The following PDE1A variants were observed in gnomAD, a reference collection of about 807,000 sequenced individuals.
The protein encoded by PDE1A is dual specificity calcium/calmodulin-dependent 3',5'-cyclic nucleotide phosphodiesterase 1A.
In PDE1A, 35 loss-of-function variants were observed where a neutral mutation model predicts 61.7. That is an observed-to-expected ratio of 0.57 (90% confidence interval 0.43 to 0.75). The LOEUF is 0.75. PDE1A is among the 30% of genes least tolerant of loss of function. PDE1A has a pLI of 0.00. For synonymous variants in PDE1A, 232 were observed against 213.2 expected, an observed-to-expected ratio of 1.09 and a Z score of -0.77; for missense variants, 597 against 630.6, an observed-to-expected ratio of 0.95 and a Z score of 0.57.
the PDE1A span, among the ~76,000 whole-genome samples, chr2:182,713,502 G>A: frequency 2.0e-5 from 3 of 152,196 alleles, no homozygotes; most frequent in East Asian, 1.9e-4. Context: ...GTGGTGGCAT[G>A]TGCCTGTAAT....
intron 1 of PDE1A, among the ~76,000 whole-genome samples, chr2:182,420,884 T>A (rs1297510707): frequency 6.6e-6 from 1 of 152,184 alleles, no homozygotes; most frequent in Non-Finnish European, 1.5e-5. Flanking sequence ...TTTTCCTCAA[T>A]TATAGCTTGT....
At chr2:182,489,351 T>G (rs1203302811) in intron 2 of PDE1A, among the ~76,000 whole-genome samples, 2 of 152,202 alleles carry the variant, frequency 1.3e-5, no homozygotes, top group African/African-American at 4.8e-5. Flanking sequence ...TTGATTTTAC[T>G]CTGAGATAAA....
At chr2:182,681,017 T>C in the PDE1A span, among the ~76,000 whole-genome samples, 3 of 152,202 alleles carry the variant, frequency 2.0e-5, no homozygotes, top group Non-Finnish European at 2.9e-5. Context: ...GGTGTTGCTA[T>C]GGCAATGATA....
At chr2:182,160,278 T>A (rs1163700829) in intron 13 of PDE1A, among the ~76,000 whole-genome samples, 2 of 152,158 alleles carry the variant, frequency 1.3e-5, no homozygotes. Flanking sequence ...GGTGTCAATT[T>A]GACTGGATTG....
chr2:182,658,688 T>A, the PDE1A span, among the ~76,000 whole-genome samples: 1 of 152,220 alleles, frequency 6.6e-6, no homozygotes, highest in East Asian at 1.9e-4. Flanking sequence ...AGCAGCTCAA[T>A]AAGTGAGAAA....
At chr2:182,203,061 A>T (rs985608030) in intron 8 of PDE1A, among the ~76,000 whole-genome samples, 2 of 152,220 alleles carry the variant, frequency 1.3e-5, no homozygotes, top group African/African-American at 4.8e-5. Context: ...CACGCCTGTA[A>T]TCCCAGCACT....
intron 2 of PDE1A, among the ~76,000 whole-genome samples, chr2:182,253,637 T>G (rs1251442645): frequency 6.6e-6 from 1 of 152,134 alleles, no homozygotes; most frequent in African/African-American, 2.4e-5. Flanking sequence ...CAATAACTGG[T>G]TAATATCAGT....
At chr2:182,530,372 T>A in the PDE1A span, among the ~76,000 whole-genome samples, 9 of 151,686 alleles carry the variant, frequency 5.9e-5, no homozygotes, top group Admixed American at 1.3e-4. Flanking sequence ...CTCAAAGAAA[T>A]AATAAATAAA....
chr2:182,215,391 C>T lies in PDE1A; in HGVS notation c.776+8473G>A, dbSNP rs1229005274. Among the ~76,000 whole-genome samples the T allele has an allele frequency of 4.5e-5, 6 of 134,648 alleles. No individual in the cohort carries two copies. In the South Asian group the frequency reaches 1.6e-3, roughly 35 times the overall value. 88.3% of individuals were successfully genotyped at this position (134,648 alleles called of 152,430 possible). On this transcript the variant is annotated intron_variant, in intron 7 of 13. Transcript: ENST00000351439. ...AAGAGCAAACGCATTCAAAAGCTAG[C>T]AGAAGGCAAGAAATAACTAAGATCA...
At chr2:182,141,779 C>G (rs1257419740) in exon 15 of PDE1A, 1 of 152,130 alleles carries the variant, frequency 6.6e-6, no homozygotes, top group African/African-American at 2.4e-5. Flanking sequence ...TGCATGGATC[C>G]TCCTTTGCAT....
At chr2:182,562,895 G>C in the PDE1A span, among the ~76,000 whole-genome samples, 1 of 152,272 alleles carries the variant, frequency 6.6e-6, no homozygotes, top group South Asian at 2.1e-4. Context: ...TGGGATCAGT[G>C]GTGATATCCC....
chr2:182,205,810 A>G, intron 8 of PDE1A, 130 bp downstream of exon 8: 1 of 744,858 alleles, frequency 1.3e-6, no homozygotes, highest in Non-Finnish European at 2.2e-6. Flanking sequence ...TCTCAGAGTC[A>G]TCCAGTCGAC....
intron 1 of PDE1A, among the ~76,000 whole-genome samples, chr2:182,349,878 T>C (rs1698760132): frequency 6.6e-6 from 1 of 152,180 alleles, no homozygotes; most frequent in South Asian, 2.1e-4. Flanking sequence ...AATAGAAGAA[T>C]GCAAGATTTT....
At chr2:182,185,785 G>A (rs1685147849) in intron 13 of PDE1A, 107 bp downstream of exon 13, 2 of 1,558,992 alleles carry the variant, frequency 1.3e-6, no homozygotes, top group Admixed American at 1.9e-5. Flanking sequence ...TACCATCAAG[G>A]GCTTACATAT....
chr2:182,376,774 A>T (rs375852906), intron 1 of PDE1A, among the ~76,000 whole-genome samples: 1 of 152,204 alleles, frequency 6.6e-6, no homozygotes, highest in Admixed American at 6.5e-5. Context: ...GTTTAATTGG[A>T]GTTACAGTTC....
chr2:182,627,087 G>A, the PDE1A span, among the ~76,000 whole-genome samples: 11 of 8,880 alleles, frequency 1.2e-3, 2 homozygotes, highest in Admixed American at 2.2e-3. Context: ...TAATATAAAT[G>A]ATATATTATG....
the PDE1A span, among the ~76,000 whole-genome samples, chr2:182,543,580 G>A: frequency 6.6e-6 from 1 of 151,626 alleles, no homozygotes; most frequent in Non-Finnish European, 1.5e-5. Flanking sequence ...TACATTTTGG[G>A]TTATTTTATT....
chr2:182,646,789 TTATG>T, the PDE1A span, among the ~76,000 whole-genome samples: 752 of 151,994 alleles, frequency 4.9e-3, 2 homozygotes, highest in Non-Finnish European at 7.8e-3. Context: ...GCTGAAGAAA[TTATG>T]TATTAAGCAG....
the PDE1A span, among the ~76,000 whole-genome samples, chr2:182,579,714 A>G: frequency 6.6e-6 from 1 of 152,066 alleles, no homozygotes; most frequent in Non-Finnish European, 1.5e-5. Flanking sequence ...AAGCAAGTAC[A>G]TGGTATGCCC....
Sources: gnomAD v4.1 joint callset for allele counts (sites outside exome capture counted in the v4.1 genomes callset) on GRCh38, gnomAD v4.1.1 for gene constraint, MANE v1.5 for transcripts, NCBI Gene and HGNC (gene_info 2026-07-23, HGNC 2026-07-21) for gene names.